Variants in ANKRD31 observed in about 807,000 individuals in gnomAD.
The protein encoded by ANKRD31 is ankyrin repeat domain 31.
ANKRD31 carries 147 observed loss-of-function variants against 186.0 expected under a neutral mutation model. The ratio of observed to expected loss-of-function variants is 0.79; its 90% CI spans 0.69 to 0.91. ANKRD31 has a LOEUF of 0.91. Ranked by LOEUF, ANKRD31 falls within the 40% of genes least tolerant of loss-of-function variation. The pLI, the probability that ANKRD31 is intolerant of heterozygous loss-of-function variation, is 0.00. For missense variants in ANKRD31, 1,986 were observed against 2,148.8 expected (o/e 0.92, Z 1.50); for synonymous variants, 673 against 736.4 (o/e 0.91, Z 1.39).
At chr5:75,094,389 A>C (rs1746154837) in intron 22 of ANKRD31, among the ~76,000 whole-genome samples, 1 of 152,300 alleles carries the variant, frequency 6.6e-6, no homozygotes, top group African/African-American at 2.4e-5. Context: ...CAATAATATC[A>C]TAAAAAGGAA....
At chr5:75,074,210 T>C in intron 25 of ANKRD31, among the ~76,000 whole-genome samples, 1 of 152,206 alleles carries the variant, frequency 6.6e-6, no homozygotes. Flanking sequence ...TCACAAAGCA[T>C]AGTGTTAAGG....
chr5:75,082,475 A>G (rs1274481328), intron 24 of ANKRD31, among the ~76,000 whole-genome samples: 1 of 152,210 alleles, frequency 6.6e-6, no homozygotes, highest in Non-Finnish European at 1.5e-5. Context: ...TAGGAGGGTA[A>G]TATAACTGTA....
chr5:75,071,291 T>G (rs1315252187), intron 25 of ANKRD31, among the ~76,000 whole-genome samples: 2 of 148,008 alleles, frequency 1.4e-5, no homozygotes, highest in African/African-American at 4.9e-5. Flanking sequence ...ATATTTAATA[T>G]TTTAATAATA....
chr5:75,190,184 TA>T (rs1297304812), intron 9 of ANKRD31, among the ~76,000 whole-genome samples: 4 of 152,072 alleles, frequency 2.6e-5, no homozygotes, highest in African/African-American at 9.6e-5. Context: ...CATGCCCAGC[TA>T]ATTTTTTGCA....
At position 75,105,107 on chromosome 5, in the gene ANKRD31, C is replaced by T; in HGVS notation, c.4452G>A (p.Leu1484=). 1 of 1,537,012 alleles carries T rather than the reference C, an allele frequency of 6.5e-7. No individual in the cohort carries two copies. The highest frequency in any genetic ancestry group is 8.7e-7 in the Non-Finnish European group (1 of 1,146,822). Residue 1484 remains leucine, a synonymous_variant, in exon 22 of 26, where the codon CTG becomes CTA. Coordinates refer to ENST00000506364, the MANE Select transcript of ANKRD31 (RefSeq NM_001372053.1). ...TAACATTCCTACAGTTTTGAATTTTCAGGCTTATTTTTTTCTGTTTTTTTG... is the reference window on the plus strand; with the variant it reads ...TAACATTCCTACAGTTTTGAATTTTTAGGCTTATTTTTTTCTGTTTTTTTG... ...VVAKKQKKIS[L]KIQNCRNVTS...
At chr5:75,174,843 T>G (rs1374860621) in intron 10 of ANKRD31, among the ~76,000 whole-genome samples, 2 of 152,274 alleles carry the variant, frequency 1.3e-5, no homozygotes, top group East Asian at 1.9e-4. Context: ...GATCTAGAAC[T>G]AGAAATACCA....
rs1743930066 is a variant in ANKRD31 at position 75,068,359 on chromosome 5, T to C, written c.*160A>G. 6.7e-6 allele frequency: 4 copies of C among 599,942 alleles called. No homozygotes were observed. Among genetic ancestry groups the C allele is most frequent in the Non-Finnish European group, 9.9e-6 (4 of 403,344 alleles). 37.2% of individuals were successfully genotyped at this position (599,942 alleles called of 1,614,324 possible). A position where few individuals can be genotyped will look rare whatever the true frequency, so the allele number is the denominator to read the frequency against. On this transcript the variant is annotated 3_prime_UTR_variant, in exon 26 of 26. Coordinates refer to ENST00000506364, the MANE Select transcript of ANKRD31 (RefSeq NM_001372053.1). Reference sequence around the variant, plus strand: ...AAAAAGCATTAATCTTATATAATTGTTGAACAGTTACATACATCTTAAGAA... The same window carrying C: ...AAAAAGCATTAATCTTATATAATTGCTGAACAGTTACATACATCTTAAGAA...
intron 2 of ANKRD31, among the ~76,000 whole-genome samples, chr5:75,222,910 G>T (rs1264753168): frequency 6.6e-6 from 1 of 152,150 alleles, no homozygotes; most frequent in Non-Finnish European, 1.5e-5. Flanking sequence ...ACATACATGT[G>T]CATGTGTCTT....
Position 75,146,258 on chromosome 5 carries a change from T to G in ANKRD31, c.3153A>C (p.Thr1051=). 6.5e-7 allele frequency: 1 copy of G among 1,536,508 alleles called. No homozygotes were observed. Among genetic ancestry groups the G allele is most frequent in the Non-Finnish European group, 8.7e-7 (1 of 1,146,450 alleles). The part of the protein sequence containing the change: ...APTFLMNQTD[T]HIVEKMAKNC... ...TCTTTGCCATCTTTTCCACAATATG[T>G]GTATCTGTTTGATTCATTAAAAAAG... is the stretch of plus-strand genomic sequence containing the variant. The change falls in exon 14 of 26, where the codon ACA becomes ACC. Residue 1051 remains threonine (T), a synonymous_variant. Coordinates refer to ENST00000506364, the MANE Select transcript of ANKRD31 (RefSeq NM_001372053.1).
At chr5:75,148,881 T>G (rs951100688) in intron 12 of ANKRD31, among the ~76,000 whole-genome samples, 1 of 151,938 alleles carries the variant, frequency 6.6e-6, no homozygotes, top group African/African-American at 2.4e-5. Context: ...TACTAAAGAT[T>G]GGCACTAAAC....
chr5:75,224,133 A>ATATATATG (rs1757477300), intron 2 of ANKRD31, among the ~76,000 whole-genome samples: 1 of 53,802 alleles, frequency 1.9e-5, no homozygotes, highest in Non-Finnish European at 3.2e-5. Context: ...AAATAATTAT[A>ATATATATG]TATATATATA....
At chr5:75,235,029 T>C (rs1387010870) in intron 1 of ANKRD31, among the ~76,000 whole-genome samples, 1 of 152,156 alleles carries the variant, frequency 6.6e-6, no homozygotes, top group Non-Finnish European at 1.5e-5. Context: ...TATGTGATTC[T>C]ATTTTGGGGG....
intron 25 of ANKRD31, among the ~76,000 whole-genome samples, chr5:75,071,887 G>A (rs375562910): frequency 3.8e-3 from 579 of 152,284 alleles, no homozygotes; most frequent in African/African-American, 0.013. Context: ...TCCTAGACGT[G>A]GTGCCAAAGG....
In ANKRD31 at chr5:75,147,160, G is replaced by C. The variant is rs775770026; in HGVS notation, c.2251C>G (p.Leu751Val). 6.5e-7 allele frequency: 1 copy of C among 1,536,316 alleles called. No homozygotes were observed. Among genetic ancestry groups the C allele is most frequent in the South Asian group, 1.2e-5 (1 of 84,026 alleles). The change falls in exon 14 of 26, where the codon CTA (leucine) becomes GTA (valine). Residue 751 changes from leucine (L) to valine (V), a missense_variant. Transcript: ENST00000506364. ...ATTCTCCTGGAAGGAGAGACAGCTA[G>C]TATCTTTCTTGGATTACAGTCTACA... ...DDVDCNPRKI[L>V]AVSPSRRINR...
intron 9 of ANKRD31, among the ~76,000 whole-genome samples, chr5:75,190,133 C>T (rs762127669): frequency 6.6e-6 from 1 of 151,994 alleles, no homozygotes; most frequent in Non-Finnish European, 1.5e-5. Flanking sequence ...AATTCTCCCA[C>T]CTCAGCCTCC....
At chr5:75,160,268 C>T (rs1752483197) in intron 11 of ANKRD31, among the ~76,000 whole-genome samples, 1 of 151,986 alleles carries the variant, frequency 6.6e-6, no homozygotes, top group African/African-American at 2.4e-5. Flanking sequence ...AAAAGGTTAG[C>T]ATAAGAATGA....
rs2150063060 is a variant in ANKRD31 at position 75,107,440 on chromosome 5, A to C, written c.4340+81T>G. 3.1e-6 allele frequency: 3 copies of C among 969,656 alleles called. No individual in the cohort carries two copies. The South Asian group carries it at 5.1e-5, about 16-fold the overall frequency. 60.1% of individuals were successfully genotyped at this position (969,656 alleles called of 1,614,324 possible). A position where few individuals can be genotyped will look rare whatever the true frequency, so the allele number is the denominator to read the frequency against. ...CCAAGCAGTGTTTGTATTCTTAAGA[A>C]ATTCTAGACAACTATTGCAGCTAAA... On this transcript the variant is annotated intron_variant, in intron 21 of 25. Coordinates refer to ENST00000506364, the MANE Select transcript of ANKRD31 (RefSeq NM_001372053.1).
intron 24 of ANKRD31, among the ~76,000 whole-genome samples, chr5:75,083,919 C>T (rs1745283686): frequency 6.6e-6 from 1 of 152,166 alleles, no homozygotes; most frequent in Non-Finnish European, 1.5e-5. Context: ...AAAAGGGTCA[C>T]ATATATTGAT....
Position 75,169,113 on chromosome 5 carries a change from C to CT in ANKRD31, c.1572dup (p.Ala525SerfsTer4), listed in dbSNP as rs1413232180. 1 of 1,536,096 alleles carries CT rather than the reference C, an allele frequency of 6.5e-7. No homozygotes were observed. Among genetic ancestry groups the CT allele is most frequent in the Non-Finnish European group, 8.7e-7 (1 of 1,145,920 alleles). ...CCTCCTACACTAGCTTCATGAAGTGCTGTCCAACCTATCATACAAAAAGAT... is the reference window on the plus strand; with the variant it reads ...CCTCCTACACTAGCTTCATGAAGTGCTTGTCCAACCTATCATACAAAAAGAT... On this transcript the variant is annotated frameshift_variant, in exon 11 of 26. Coordinates refer to ENST00000506364, the MANE Select transcript of ANKRD31 (RefSeq NM_001372053.1). LOFTEE classifies it high-confidence loss of function.
Sources: gnomAD v4.1 joint callset for allele counts (sites outside exome capture counted in the v4.1 genomes callset) on GRCh38, gnomAD v4.1.1 for gene constraint, MANE v1.5 for transcripts, NCBI Gene and HGNC (gene_info 2026-07-23, HGNC 2026-07-21) for gene names.